The following SHISA9 variants were observed in gnomAD, a reference collection of about 807,000 sequenced individuals.
The protein encoded by SHISA9 is shisa family member 9.
Under a neutral mutation model 38.0 loss-of-function variants are expected in SHISA9, and 13 were observed. The ratio of observed to expected loss-of-function variants is 0.34; its 90% CI spans 0.22 to 0.54. The LOEUF is 0.54. SHISA9 is among the 20% of genes least tolerant of loss of function. The pLI is 0.91. For synonymous variants in SHISA9, 275 were observed against 242.0 expected, an observed-to-expected ratio of 1.14 and a Z score of -1.27; for missense variants, 538 against 575.8, an observed-to-expected ratio of 0.93 and a Z score of 0.67.
At chr16:12,974,918 A>G (rs2072136349) in intron 2 of SHISA9, among the ~76,000 whole-genome samples, 1 of 152,094 alleles carries the variant, frequency 6.6e-6, no homozygotes, top group Non-Finnish European at 1.5e-5. Flanking sequence ...ATCTGTATCT[A>G]TATCTATCTC....
chr16:12,938,019 G>A (rs1947026120), intron 2 of SHISA9, among the ~76,000 whole-genome samples: 1 of 152,222 alleles, frequency 6.6e-6, no homozygotes, highest in South Asian at 2.1e-4. Context: ...CCCTTGAGGA[G>A]CATACAGAGA....
At chr16:12,930,236 C>G (rs2141741377) in intron 2 of SHISA9, among the ~76,000 whole-genome samples, 2 of 152,314 alleles carry the variant, frequency 1.3e-5, no homozygotes, top group South Asian at 4.1e-4. Flanking sequence ...TGTCAACATA[C>G]AATACTGAGC....
At chr16:12,953,513 T>C (rs986236034) in intron 2 of SHISA9, among the ~76,000 whole-genome samples, 2 of 152,218 alleles carry the variant, frequency 1.3e-5, no homozygotes, top group African/African-American at 4.8e-5. Flanking sequence ...AGGACATTGA[T>C]TGATTGAATA....
rs150434187 is a variant in SHISA9, at chr16:13,143,542, C to T, written c.692-59852C>T. Among the ~76,000 whole-genome samples the T allele has an allele frequency of 1.4e-4, 22 of 152,268 alleles. No individual in the cohort carries two copies. In the East Asian group the frequency reaches 4.3e-3, roughly 29 times the overall value. On this transcript the variant is annotated intron_variant, in intron 2 of 4. Transcript: ENST00000558583. Reference sequence around the variant, plus strand: ...TGTACTGTGATCTGGTCACCATTTCCCTACCGTGCTCCCCAGCCTTAGTGG... The same window carrying T: ...TGTACTGTGATCTGGTCACCATTTCTCTACCGTGCTCCCCAGCCTTAGTGG...
intron 2 of SHISA9, among the ~76,000 whole-genome samples, chr16:12,991,167 C>T (rs2072381396): frequency 6.6e-6 from 1 of 152,114 alleles, no homozygotes; most frequent in Admixed American, 6.6e-5. Context: ...TGTATTTATT[C>T]TGTGAATTAT....
At chr16:13,419,130 A>G in the SHISA9 span, among the ~76,000 whole-genome samples, 5 of 152,254 alleles carry the variant, frequency 3.3e-5, no homozygotes, top group African/African-American at 1.2e-4. Context: ...CTTTGTATTT[A>G]ATGACCTCAC....
chr16:13,062,196 A>C (rs1011376728), intron 2 of SHISA9, among the ~76,000 whole-genome samples: 1 of 152,030 alleles, frequency 6.6e-6, no homozygotes. Flanking sequence ...GCTAAAAAAA[A>C]AAAAATCCAT....
intron 2 of SHISA9, among the ~76,000 whole-genome samples, chr16:13,135,225 T>C (rs1472502392): frequency 2.0e-5 from 3 of 152,212 alleles, no homozygotes; most frequent in Non-Finnish European, 4.4e-5. Context: ...GGAGCAAATG[T>C]ATCAGCAGGT....
intron 2 of SHISA9, among the ~76,000 whole-genome samples, chr16:13,034,974 T>G (rs1421285166): frequency 6.6e-6 from 1 of 152,174 alleles, no homozygotes; most frequent in African/African-American, 2.4e-5. Context: ...AATTACAGAT[T>G]TGGGAGCTAA....
chr16:13,527,709 T>A, the SHISA9 span, among the ~76,000 whole-genome samples: 1 of 152,204 alleles, frequency 6.6e-6, no homozygotes, highest in Non-Finnish European at 1.5e-5. Flanking sequence ...CACTCAGATC[T>A]GCTCTTGGGC....
At chr16:13,399,673 TA>T in the SHISA9 span, among the ~76,000 whole-genome samples, 1 of 152,222 alleles carries the variant, frequency 6.6e-6, no homozygotes, top group African/African-American at 2.4e-5. Flanking sequence ...CACCGCTGCT[TA>T]TCCCAGGCCA....
intron 2 of SHISA9, among the ~76,000 whole-genome samples, chr16:13,029,699 G>A (rs1390516831): frequency 6.6e-6 from 1 of 152,218 alleles, no homozygotes; most frequent in African/African-American, 2.4e-5. Context: ...ACCAGGCACA[G>A]AAAGGCAGAC....
chr16:13,058,088 A>G (rs946387778), intron 2 of SHISA9, among the ~76,000 whole-genome samples: 6 of 152,208 alleles, frequency 3.9e-5, no homozygotes, highest in Non-Finnish European at 7.3e-5. Context: ...TCCACATACA[A>G]GCATGCCAAT....
At chr16:13,040,683 C>T (rs1207956680) in intron 2 of SHISA9, among the ~76,000 whole-genome samples, 2 of 152,024 alleles carry the variant, frequency 1.3e-5, no homozygotes, top group Non-Finnish European at 2.9e-5. Flanking sequence ...ATACAATGCC[C>T]CAGTAGAATT....
chr16:13,459,098 C>G, the SHISA9 span, among the ~76,000 whole-genome samples: 2 of 152,086 alleles, frequency 1.3e-5, no homozygotes, highest in African/African-American at 4.8e-5. Context: ...AGGTGAGCCA[C>G]CCACCTCGGC....
At chr16:13,211,064 AAGC>A (rs1040624937) in intron 3 of SHISA9, among the ~76,000 whole-genome samples, 124 of 152,290 alleles carry the variant, frequency 8.1e-4, no homozygotes, top group African/African-American at 2.7e-3. Context: ...TGGGAGGCCA[AAGC>A]AGACAGATCA....
At chr16:12,974,524 C>T (rs780166145) in intron 2 of SHISA9, among the ~76,000 whole-genome samples, 2 of 126,362 alleles carry the variant, frequency 1.6e-5, no homozygotes, top group South Asian at 2.8e-4. Context: ...TTCGCTCTGT[C>T]GCCCAGGCTG....
chr16:13,374,673 A>G, the SHISA9 span, among the ~76,000 whole-genome samples: 2 of 152,168 alleles, frequency 1.3e-5, no homozygotes, highest in African/African-American at 4.8e-5. Flanking sequence ...TTCTTTGGGT[A>G]TATGCCTATT....
chr16:13,184,327 T>A (rs774168197), intron 2 of SHISA9, among the ~76,000 whole-genome samples: 1 of 152,204 alleles, frequency 6.6e-6, no homozygotes, highest in Non-Finnish European at 1.5e-5. Flanking sequence ...CTGCCTCAGA[T>A]CCTGGGCTAT....
Sources: allele counts gnomAD v4.1 joint callset (sites outside exome capture counted in the v4.1 genomes callset), GRCh38; gene constraint gnomAD v4.1.1; transcripts MANE v1.5; gene names NCBI Gene and HGNC (gene_info 2026-07-23, HGNC 2026-07-21).